The following DMD variants were observed in gnomAD, a reference collection of about 807,000 sequenced individuals.
DMD encodes mutant dystrophin.
A neutral mutation model predicts 330.1 loss-of-function variants in DMD; 63 were observed. That is an observed-to-expected ratio of 0.19 (90% CI 0.16 to 0.24). The LOEUF (loss-of-function observed/expected upper bound fraction) is 0.24. Among genes scored for constraint, DMD ranks in the 10% least tolerant of loss-of-function variants. The pLI is 1.00. For synonymous variants in DMD, 1,223 were observed against 959.8 expected (o/e 1.27, Z -5.07); for missense variants, 3,344 against 2,684.1 (o/e 1.25, Z -5.43).
chrX:31,526,753 T>C (rs943080036), intron 55 of DMD, among the ~76,000 whole-genome samples: 2 of 111,938 alleles, frequency 1.8e-5, no homozygotes, highest in East Asian at 5.6e-4. Flanking sequence ...CTCTTCTATC[T>C]GTTGAAAATC....
At chrX:31,457,990 T>C (rs756858545) in intron 59 of DMD, among the ~76,000 whole-genome samples, 2 of 111,817 alleles carry the variant, frequency 1.8e-5, no homozygotes, top group African/African-American at 6.5e-5. Context: ...CTAAATGTAA[T>C]TAATGTTTTT....
intron 44 of DMD, among the ~76,000 whole-genome samples, chrX:32,095,043 C>G (rs1307738039): frequency 9.0e-6 from 1 of 111,171 alleles, no homozygotes; most frequent in Non-Finnish European, 1.9e-5. Flanking sequence ...AATCAGAGGA[C>G]AGTTAATGCT....
chrX:32,935,306 T>C lies in DMD; in HGVS notation c.93+84833A>G, dbSNP rs779991249. 3.6e-5 allele frequency among the ~76,000 whole-genome samples: 4 copies of C among 112,394 alleles called. No homozygotes were observed. In the South Asian group the frequency reaches 1.1e-3, roughly 31 times the overall value. On this transcript the variant is annotated intron_variant, in intron 2 of 78. Coordinates refer to ENST00000357033, the MANE Select transcript of DMD (RefSeq NM_004006.3). ...CTGACAGTTTTTAAAAATGAAGTTT[T>C]ATTAGACTCACTCACACCTATTCAC...
chrX:31,237,757 T>C (rs1327105784), intron 63 of DMD, among the ~76,000 whole-genome samples: 2 of 111,769 alleles, frequency 1.8e-5, no homozygotes, highest in Non-Finnish European at 3.8e-5. Context: ...TCTCATTCTC[T>C]CGCCCAGGCT....
At chrX:32,514,363 C>T (rs1316132591) in intron 18 of DMD, among the ~76,000 whole-genome samples, 1 of 111,879 alleles carries the variant, frequency 8.9e-6, no homozygotes. Flanking sequence ...CCCACAAAAG[C>T]TTGAAATAAT....
At chrX:32,634,056 G>A (rs1465184119) in intron 11 of DMD, among the ~76,000 whole-genome samples, 1 of 111,601 alleles carries the variant, frequency 9.0e-6, no homozygotes, top group Non-Finnish European at 1.9e-5. Flanking sequence ...CTGTGGCTAA[G>A]CTGGCACCCC....
chrX:31,441,279 C>T (rs1383216135), intron 60 of DMD, among the ~76,000 whole-genome samples: 1 of 111,845 alleles, frequency 8.9e-6, no homozygotes, highest in Non-Finnish European at 1.9e-5. Context: ...TCACTGCAAC[C>T]TCTGCCTCCT....
intron 17 of DMD, among the ~76,000 whole-genome samples, chrX:32,528,120 C>T (rs938863931): frequency 1.7e-4 from 19 of 111,472 alleles, no homozygotes; most frequent in Non-Finnish European, 2.1e-4. Flanking sequence ...ACCAACCTGG[C>T]CACCATGACG....
intron 1 of DMD, among the ~76,000 whole-genome samples, chrX:33,235,080 G>A (rs754037340): frequency 2.2e-4 from 25 of 112,040 alleles, no homozygotes; most frequent in African/African-American, 8.1e-4. Context: ...GGCCTTTACT[G>A]GAGGGTTGGG....
chrX:31,295,337 AT>A (rs922638449), intron 62 of DMD, among the ~76,000 whole-genome samples: 31 of 108,590 alleles, frequency 2.9e-4, no homozygotes, highest in African/African-American at 7.4e-4. Context: ...GTGTGTTAGC[AT>A]TTTTTTTTCA....
chrX:31,694,617 CATATATATATAT>C (rs34933227), intron 52 of DMD, among the ~76,000 whole-genome samples: 48 of 58,170 alleles, frequency 8.3e-4, no homozygotes, highest in Non-Finnish European at 6.5e-4. Context: ...TGACAAACAG[CATATATATATAT>C]ATATATATAT....
chrX:32,480,221 T>A (rs2041704665), intron 21 of DMD, among the ~76,000 whole-genome samples: 1 of 111,954 alleles, frequency 8.9e-6, no homozygotes, highest in Non-Finnish European at 1.9e-5. Flanking sequence ...ACCTTACACA[T>A]GTTAAAATTA....
At chrX:33,102,318 T>G (rs1430890155) in intron 1 of DMD, among the ~76,000 whole-genome samples, 2 of 10,024 alleles carry the variant, frequency 2.0e-4, no homozygotes, top group Non-Finnish European at 4.1e-4. Context: ...TTTTTTTTGT[T>G]TTTTTTTTTT....
In DMD at chrX:32,211,278, C is replaced by T. The variant is rs752644724; in HGVS notation, c.6438+5638G>A. On this transcript the variant is annotated intron_variant, in intron 44 of 78. Transcript: ENST00000357033. Reference sequence around the variant, plus strand: ...TGTATTTTTCTTCAATAGAATATGACGTTAAACTATAAGTTTTTCAACATT... The same window carrying T: ...TGTATTTTTCTTCAATAGAATATGATGTTAAACTATAAGTTTTTCAACATT... Among the ~76,000 whole-genome samples the T allele has an allele frequency of 7.2e-5, 8 of 111,854 alleles. 1 individual carries two copies. The Middle Eastern group carries it at 0.014, about 193-fold the overall frequency.
chrX:32,574,242 C>G (rs1345163486), intron 13 of DMD, among the ~76,000 whole-genome samples: 5 of 111,946 alleles, frequency 4.5e-5, no homozygotes, highest in Non-Finnish European at 9.4e-5. Flanking sequence ...TAGAATGCCT[C>G]AAAAGACTCT....
At chrX:33,032,448 C>T (rs1275501997) in intron 1 of DMD, among the ~76,000 whole-genome samples, 1 of 111,601 alleles carries the variant, frequency 9.0e-6, no homozygotes, top group Admixed American at 9.5e-5. Context: ...GTAAATGTGG[C>T]CCATAGAATA....
chrX:32,569,872 G>T (rs1160217984), intron 15 of DMD, among the ~76,000 whole-genome samples: 3 of 111,266 alleles, frequency 2.7e-5, no homozygotes, highest in Non-Finnish European at 5.6e-5. Context: ...TCAGGAACAG[G>T]TTTCTTCTTG....
intron 9 of DMD, among the ~76,000 whole-genome samples, chrX:32,676,494 T>C (rs1436922481): frequency 9.0e-5 from 10 of 111,483 alleles, no homozygotes. Flanking sequence ...TTCATTGCCA[T>C]TTTGGGGCAA....
At chrX:31,775,224 AATC>A (rs766394052) in intron 50 of DMD, among the ~76,000 whole-genome samples, 1,558 of 111,679 alleles carry the variant, frequency 0.014, 37 homozygotes, top group African/African-American at 0.048. Flanking sequence ...AGAGCAGCAT[AATC>A]ATCATCATCA....
Sources: allele counts gnomAD v4.1 joint callset (sites outside exome capture counted in the v4.1 genomes callset), GRCh38; gene constraint gnomAD v4.1.1; transcripts MANE v1.5; gene names NCBI Gene and HGNC (gene_info 2026-07-23, HGNC 2026-07-21).